Variants in PCDHA13 observed in about 807,000 individuals in gnomAD.
PCDHA13 encodes the protein protocadherin alpha 13.
A neutral mutation model predicts 64.8 loss-of-function variants in PCDHA13; 54 were observed. The observed-to-expected ratio is 0.83, with a 90% CI of 0.67 to 1.04. The LOEUF is 1.04. Among genes scored for constraint, PCDHA13 ranks in the 50% least tolerant of loss-of-function variants. PCDHA13 has a pLI of 0.00. For synonymous variants in PCDHA13, 587 were observed against 564.4 expected (o/e 1.04, Z -0.57); for missense variants, 1,248 against 1,254.3 (o/e 0.99, Z 0.08).
chr5:140,978,217 A>G (rs1554239114), intron 1 of PCDHA13, among the ~76,000 whole-genome samples: 2 of 152,222 alleles, frequency 1.3e-5, no homozygotes, highest in East Asian at 1.9e-4. Flanking sequence ...TGCAAAATGT[A>G]TCAGGTTTTT....
chr5:140,982,507 G>C lies in PCDHA13; in HGVS notation c.2486G>C (p.Arg829Pro). 6.2e-7 allele frequency: 1 copy of C among 1,614,138 alleles called. No homozygotes were observed. ...CACCTAGAGGAGGCTGGCATTCTAC[G>C]GGCTGGTCCAGGAGGGCCTGATCAG... ...SVHLEEAGIL[R>P]AGPGGPDQQW... is the part of the protein sequence containing the mutation. The change falls in exon 3 of 4, where the codon CGG becomes CCG. Residue 829 changes from arginine to proline, a missense_variant. Coordinates refer to ENST00000289272, the MANE Select transcript of PCDHA13 (RefSeq NM_018904.3).
At chr5:140,927,004 A>C (rs1194923615) in intron 1 of PCDHA13, 1 of 1,612,238 alleles carries the variant, frequency 6.2e-7, no homozygotes, top group Non-Finnish European at 8.5e-7. Flanking sequence ...AGCCGTAGGC[A>C]ATCTCTCCGC....
chr5:140,968,083 G>A (rs1298667830), intron 1 of PCDHA13: 1 of 1,614,006 alleles, frequency 6.2e-7, no homozygotes, highest in Non-Finnish European at 8.5e-7. Flanking sequence ...ACATCACGGT[G>A]ACAGCCACAG....
chr5:141,000,894 ATAGACGCT>A (rs1348330251), intron 3 of PCDHA13, among the ~76,000 whole-genome samples: 1 of 152,128 alleles, frequency 6.6e-6, no homozygotes, highest in African/African-American at 2.4e-5. Context: ...GGCAACAGAT[ATAGACGCT>A]GTCTCTAAAA....
At chr5:140,977,619 C>T (rs1289978944) in intron 1 of PCDHA13, among the ~76,000 whole-genome samples, 1 of 152,240 alleles carries the variant, frequency 6.6e-6, no homozygotes, top group African/African-American at 2.4e-5. Context: ...TAAAGTATCC[C>T]AGAGTTGTAA....
Position 140,884,113 on chromosome 5 carries a change from G to A in PCDHA13, c.1845G>A (p.Ala615=). Residue 615 remains alanine (A), a synonymous_variant, in exon 1 of 4, where the codon GCG becomes GCA. Coordinates refer to ENST00000289272, the MANE Select transcript of PCDHA13 (RefSeq NM_018904.3). ...TTTCGTATGAATTGCAGCTGGCGGCGGTCGGCGCGCGCATCCCGTTCCGCG... is the reference window on the plus strand; with the variant it reads ...TTTCGTATGAATTGCAGCTGGCGGCAGTCGGCGCGCGCATCCCGTTCCGCG... ...AWLSYELQLA[A]VGARIPFRVG... 1.2e-6 allele frequency: 2 copies of A among 1,613,388 alleles called. No individual in the cohort carries two copies. The highest frequency in any genetic ancestry group is 1.7e-6 in the Non-Finnish European group (2 of 1,179,730).
At chr5:140,946,903 T>A (rs2094054259) in intron 1 of PCDHA13, among the ~76,000 whole-genome samples, 1 of 151,408 alleles carries the variant, frequency 6.6e-6, no homozygotes, top group African/African-American at 2.4e-5. Flanking sequence ...ATAGGAAGAA[T>A]AAGTTCTGGT....
At chr5:140,949,826 T>G (rs954476311) in intron 1 of PCDHA13, among the ~76,000 whole-genome samples, 2 of 151,922 alleles carry the variant, frequency 1.3e-5, no homozygotes, top group Non-Finnish European at 2.9e-5. Flanking sequence ...ATTTGTCCCC[T>G]CTGATTTTGT....
chr5:140,999,987 G>T (rs1033618024), intron 3 of PCDHA13, among the ~76,000 whole-genome samples: 6 of 152,042 alleles, frequency 3.9e-5, no homozygotes, highest in Non-Finnish European at 7.4e-5. Context: ...CGGCCTCTGG[G>T]TAGTGGTATT....
chr5:140,888,640 A>G (rs2153424746), intron 1 of PCDHA13, among the ~76,000 whole-genome samples: 1 of 152,282 alleles, frequency 6.6e-6, no homozygotes, highest in East Asian at 1.9e-4. Context: ...TTACAGCAAT[A>G]CTTTCCTGAG....
chr5:140,961,385 T>G (rs1480607533), intron 1 of PCDHA13, among the ~76,000 whole-genome samples: 3 of 152,204 alleles, frequency 2.0e-5, no homozygotes, highest in Non-Finnish European at 4.4e-5. Flanking sequence ...GTTTGAACTA[T>G]TCCATTAGTA....
intron 1 of PCDHA13, among the ~76,000 whole-genome samples, chr5:140,922,707 A>T (rs1282909188): frequency 4.6e-5 from 7 of 152,240 alleles, no homozygotes; most frequent in African/African-American, 1.4e-4. Context: ...TACAGTCAAG[A>T]ACAAAAAGAA....
chr5:140,987,040 C>G (rs916995346), intron 3 of PCDHA13, among the ~76,000 whole-genome samples: 1 of 151,880 alleles, frequency 6.6e-6, no homozygotes, highest in Non-Finnish European at 1.5e-5. Flanking sequence ...ATGGCGAAAC[C>G]CCATCTCTAC....
intron 1 of PCDHA13, among the ~76,000 whole-genome samples, chr5:140,919,536 C>A (rs1554199151): frequency 6.6e-6 from 1 of 151,864 alleles, no homozygotes; most frequent in Admixed American, 6.6e-5. Context: ...TTTTCCTATA[C>A]TTTTCATTTA....
intron 1 of PCDHA13, among the ~76,000 whole-genome samples, chr5:140,907,434 A>G (rs782559641): frequency 2.5e-4 from 38 of 152,256 alleles, no homozygotes; most frequent in Non-Finnish European, 4.4e-4. Context: ...GCATTCTGTG[A>G]GTCCACAGAT....
intron 1 of PCDHA13, among the ~76,000 whole-genome samples, chr5:140,954,129 G>T (rs1206426573): frequency 6.6e-6 from 1 of 152,160 alleles, no homozygotes; most frequent in Non-Finnish European, 1.5e-5. Context: ...CCTTTTTATG[G>T]ATGCATAGTA....
intron 2 of PCDHA13, 164 bp downstream of exon 2, chr5:140,979,171 C>T (rs1586797637): frequency 4.2e-6 from 4 of 960,866 alleles, no homozygotes; most frequent in South Asian, 4.8e-5. Context: ...CTTGAAAGAT[C>T]GCAAATGGTC....
intron 3 of PCDHA13, among the ~76,000 whole-genome samples, chr5:141,008,739 C>A (rs1554261919): frequency 1.3e-5 from 2 of 152,166 alleles, no homozygotes; most frequent in Non-Finnish European, 2.9e-5. Context: ...AGACTGTGAG[C>A]ACACTGAGGG....
At chr5:140,992,038 TG>T (rs2097488764) in intron 3 of PCDHA13, among the ~76,000 whole-genome samples, 1 of 151,828 alleles carries the variant, frequency 6.6e-6, no homozygotes, top group African/African-American at 2.4e-5. Context: ...TGTGTGTGTG[TG>T]TGTGTGTGTG....
Sources: gnomAD v4.1 joint callset for allele counts (sites outside exome capture counted in the v4.1 genomes callset) on GRCh38, gnomAD v4.1.1 for gene constraint, MANE v1.5 for transcripts, NCBI Gene and HGNC (gene_info 2026-07-23, HGNC 2026-07-21) for gene names.